Variants in VPS8 observed in about 807,000 individuals in gnomAD.
The protein encoded by VPS8 is vacuolar protein sorting-associated protein 8 homolog.
In VPS8, 129 loss-of-function variants were observed where a neutral mutation model predicts 216.4. The observed-to-expected ratio is 0.60, with a 90% CI of 0.52 to 0.69. The LOEUF is 0.69. Ranked by LOEUF, VPS8 falls within the 30% of genes least tolerant of loss-of-function variation. The pLI, the probability that VPS8 is intolerant of heterozygous loss-of-function variation, is 0.00. For missense variants in VPS8, 1,531 were observed against 1,683.5 expected (o/e 0.91, Z 1.59); for synonymous variants, 571 against 565.4 (o/e 1.01, Z -0.14).
rs1718353291 is a variant in VPS8 at position 184,824,760 on chromosome 3, AG to A, written c.130del (p.Glu44AsnfsTer8). 1 of 1,612,408 alleles carries A rather than the reference AG, an allele frequency of 6.2e-7. No individual in the cohort carries two copies. Among genetic ancestry groups the A allele is most frequent in the Non-Finnish European group, 8.5e-7 (1 of 1,179,060 alleles). ...AAATTCTCTTACATAGATATGGACA[AG>A]GAACTGGAGTTCAAAAATGATCTGG... is the stretch of plus-strand genomic sequence containing the variant. ...LSKFSYIDMD[K>X]ELEFKNDLID... On this transcript the variant is annotated frameshift_variant, in exon 2 of 48. Coordinates refer to ENST00000625842, the MANE Select transcript of VPS8 (RefSeq NM_001009921.3). LOFTEE classifies it high-confidence loss of function.
At position 184,983,105 on chromosome 3, in the gene VPS8, A is replaced by C. The variant is rs1260027714; in HGVS notation, c.3585+11A>C. The C allele has an allele frequency of 1.3e-6, 2 of 1,585,264 alleles. No homozygotes were observed. The highest frequency in any genetic ancestry group is 3.5e-5 in the Admixed American group (2 of 56,990). On this transcript the variant is annotated intron_variant, in intron 42 of 47. Coordinates refer to ENST00000625842, the MANE Select transcript of VPS8 (RefSeq NM_001009921.3). ...CAAAGAATCTTACAGGTGAGTTAAA[A>C]GGGGTGAATATTAAATATTGATTTC...
intron 46 of VPS8, among the ~76,000 whole-genome samples, chr3:185,034,770 A>G (rs1577237137): frequency 2.0e-5 from 3 of 152,146 alleles, no homozygotes; most frequent in Admixed American, 2.0e-4. Flanking sequence ...TTGGAGACTT[A>G]GCAAAAAAAT....
chr3:184,906,269 G>A (rs1252113149), intron 25 of VPS8, among the ~76,000 whole-genome samples: 1 of 151,288 alleles, frequency 6.6e-6, no homozygotes, highest in African/African-American at 2.4e-5. Context: ...ACTTTTTTTT[G>A]TGGTCAGAAA....
intron 16 of VPS8, among the ~76,000 whole-genome samples, chr3:184,864,677 C>T (rs1727004667): frequency 1.3e-5 from 2 of 152,188 alleles, no homozygotes; most frequent in African/African-American, 4.8e-5. Context: ...TCCCAGCTAA[C>T]ACATCTTAAA....
chr3:184,945,912 A>G (rs1453521510), intron 36 of VPS8, among the ~76,000 whole-genome samples: 1 of 152,190 alleles, frequency 6.6e-6, no homozygotes, highest in Non-Finnish European at 1.5e-5. Context: ...AAATCATAGT[A>G]GTGTGGAAAA....
chr3:184,939,596 A>G (rs927178786), intron 35 of VPS8, among the ~76,000 whole-genome samples: 7 of 150,080 alleles, frequency 4.7e-5, no homozygotes, highest in Admixed American at 6.7e-5. Flanking sequence ...TGAATTGCTC[A>G]GAGGATAAGT....
chr3:184,983,948 G>A (rs1750626080), intron 42 of VPS8, among the ~76,000 whole-genome samples: 2 of 151,584 alleles, frequency 1.3e-5, no homozygotes, highest in South Asian at 4.2e-4. Context: ...ACTTTGGGAA[G>A]CCGAGGCGGG....
chr3:185,031,074 T>TTG lies in VPS8; in HGVS notation c.4056+6686_4056+6687insGT, dbSNP rs1466038309. The stretch of plus-strand genomic sequence containing the variant: ...AATTACAGGTTGGCGTTTTTTTTTT[T>TTG]TTTTTTTTTTTTTTTTTAAGGGAAA... On this transcript the variant is annotated intron_variant, in intron 46 of 47. Transcript: ENST00000625842. 2.7e-4 allele frequency among the ~76,000 whole-genome samples: 39 copies of TTG among 142,722 alleles called. 2 individuals are homozygous for TTG. In the East Asian group the frequency reaches 3.2e-3, roughly 12 times the overall value. The allele number at this position is 142,722 out of a possible 152,430, so 93.6% of individuals were successfully genotyped here.
chr3:184,918,720 A>G (rs1335915447), intron 28 of VPS8, among the ~76,000 whole-genome samples: 1 of 152,158 alleles, frequency 6.6e-6, no homozygotes, highest in Non-Finnish European at 1.5e-5. Context: ...ATGGTTTTGT[A>G]TTTTAGTTGA....
intron 37 of VPS8, among the ~76,000 whole-genome samples, chr3:184,963,916 A>G (rs1339866358): frequency 6.6e-6 from 1 of 151,864 alleles, no homozygotes; most frequent in East Asian, 1.9e-4. Flanking sequence ...TTAATGTGTT[A>G]TTTGTTCTAA....
intron 34 of VPS8, among the ~76,000 whole-genome samples, chr3:184,934,333 G>A (rs1741225804): frequency 6.6e-6 from 1 of 151,974 alleles, no homozygotes; most frequent in Admixed American, 6.6e-5. Flanking sequence ...ACCACGCACA[G>A]CTTATTTTTA....
intron 14 of VPS8, among the ~76,000 whole-genome samples, chr3:184,858,631 T>G (rs915891832): frequency 1.3e-5 from 2 of 152,192 alleles, no homozygotes; most frequent in Non-Finnish European, 2.9e-5. Context: ...GGAACATGGT[T>G]GTGGTGGAGG....
chr3:185,024,924 C>T (rs1041762089), intron 46 of VPS8, among the ~76,000 whole-genome samples: 6 of 152,046 alleles, frequency 3.9e-5, no homozygotes, highest in African/African-American at 1.4e-4. Flanking sequence ...ATTGCTTGAA[C>T]CCGGGAGGCG....
At chr3:184,978,209 T>G (rs1295418346) in intron 40 of VPS8, among the ~76,000 whole-genome samples, 1 of 152,170 alleles carries the variant, frequency 6.6e-6, no homozygotes, top group Non-Finnish European at 1.5e-5. Flanking sequence ...CTAGGTTTTC[T>G]AGTTTGTGTG....
At chr3:184,814,375 G>A (rs933187879) in intron 1 of VPS8, among the ~76,000 whole-genome samples, 1 of 152,222 alleles carries the variant, frequency 6.6e-6, no homozygotes, top group African/African-American at 2.4e-5. Context: ...TCATGGGACA[G>A]TTAGGGGATA....
At position 184,903,402 on chromosome 3, in the gene VPS8, G is replaced by A. The variant is rs557172373; in HGVS notation, c.2146+2430G>A. Among the ~76,000 whole-genome samples the A allele has an allele frequency of 3.9e-5, 6 of 152,084 alleles. No homozygotes were observed. The South Asian group carries it at 1.2e-3, about 32-fold the overall frequency. On this transcript the variant is annotated intron_variant, in intron 25 of 47. Coordinates refer to ENST00000625842, the MANE Select transcript of VPS8 (RefSeq NM_001009921.3). ...AGAGAATTGCCATCTTAAAACTGTA[G>A]AATTTTCTAATGTATGAATGTGGTA...
chr3:184,825,989 A>G (rs1458894824), intron 2 of VPS8, among the ~76,000 whole-genome samples, 174 bp from the exon 3 acceptor site: 1 of 151,804 alleles, frequency 6.6e-6, no homozygotes, highest in African/African-American at 2.4e-5. Context: ...ACGTGTAGAT[A>G]GGAAAGGAAA....
intron 29 of VPS8, 69 bp downstream of exon 29, chr3:184,920,267 A>T: frequency 9.7e-7 from 1 of 1,032,938 alleles, no homozygotes; most frequent in Non-Finnish European, 1.3e-6. Context: ...GTTTTATAGC[A>T]GGTTATAAAA....
At chr3:184,843,053 A>T (rs1266735230) in intron 7 of VPS8, among the ~76,000 whole-genome samples, 187 bp from the exon 8 acceptor site, 1 of 152,132 alleles carries the variant, frequency 6.6e-6, no homozygotes, top group Non-Finnish European at 1.5e-5. Context: ...TTTTTCCCAT[A>T]ACCCATAGCT....
Sources: gnomAD v4.1 joint callset for allele counts (sites outside exome capture counted in the v4.1 genomes callset) on GRCh38, gnomAD v4.1.1 for gene constraint, MANE v1.5 for transcripts, NCBI Gene and HGNC (gene_info 2026-07-23, HGNC 2026-07-21) for gene names.